Variants in ING5 observed in about 807,000 individuals in gnomAD.
The protein encoded by ING5 is inhibitor of growth protein 5.
ING5 carries 17 observed loss-of-function variants against 37.4 expected under a neutral mutation model. That is an observed-to-expected ratio of 0.45 (90% CI 0.31 to 0.68). The LOEUF (loss-of-function observed/expected upper bound fraction) is 0.68. Among genes scored for constraint, ING5 ranks in the 30% least tolerant of loss-of-function variants. ING5 has a pLI of 0.05. For missense variants in ING5, 233 were observed against 311.9 expected (o/e 0.75, Z 1.91); for synonymous variants, 123 against 116.6 (o/e 1.06, Z -0.36).
At chr2:241,714,747 A>G (rs1445268288) in intron 5 of ING5, among the ~76,000 whole-genome samples, 1 of 151,776 alleles carries the variant, frequency 6.6e-6, no homozygotes, top group African/African-American at 2.4e-5. Context: ...GGGACCACAG[A>G]CATGCGCCAC....
Position 241,725,152 on chromosome 2 carries a change from T to A in ING5, c.*121T>A. On this transcript the variant is annotated 3_prime_UTR_variant, in exon 8 of 8. Transcript: ENST00000313552. Reference sequence around the variant, plus strand: ...GATACTTAGTAACTCCGTGGCCAGTTGAAGCGCTGGATGTTTCCTAGAACA... The same window carrying A: ...GATACTTAGTAACTCCGTGGCCAGTAGAAGCGCTGGATGTTTCCTAGAACA... 9.6e-7 allele frequency: 1 copy of A among 1,045,104 alleles called. No homozygotes were observed. Among genetic ancestry groups the A allele is most frequent in the Non-Finnish European group, 1.5e-6 (1 of 680,174 alleles). The allele number at this position is 1,045,104 out of a possible 1,614,324, so 64.7% of individuals were successfully genotyped here.
upstream of ING5, among the ~76,000 whole-genome samples, chr2:241,698,680 C>T (rs1398227401): frequency 3.9e-5 from 6 of 152,240 alleles, no homozygotes; most frequent in Non-Finnish European, 8.8e-5. Context: ...ACAAGGCAAT[C>T]ACAGTCCTGC....
chr2:241,701,920 A>G (rs1575119397), upstream of ING5: 2 of 353,216 alleles, frequency 5.7e-6, no homozygotes, highest in East Asian at 4.7e-5. Context: ...GCCCGCCGGA[A>G]GCTGAAAGGC....
At chr2:241,709,436 C>T (rs2070035165) in intron 3 of ING5, 54 bp downstream of exon 3, 4 of 1,517,134 alleles carry the variant, frequency 2.6e-6, no homozygotes, top group Admixed American at 2.1e-5. Context: ...TCCTGCCTCT[C>T]ATGCAACAAA....
chr2:241,689,096 C>T (rs772815986), intron 1 of ING5, among the ~76,000 whole-genome samples: 4 of 149,018 alleles, frequency 2.7e-5, no homozygotes, highest in Admixed American at 1.4e-4. Context: ...CCACTGCGCC[C>T]GGCCAATTTA....
upstream of ING5, among the ~76,000 whole-genome samples, chr2:241,700,306 G>C (rs555708889): frequency 2.8e-4 from 43 of 152,020 alleles, no homozygotes; most frequent in African/African-American, 9.4e-4. Flanking sequence ...ACAGGCGCCC[G>C]CCACCATGCC....
intron 1 of ING5, among the ~76,000 whole-genome samples, chr2:241,689,021 T>C (rs1263441227): frequency 1.3e-5 from 2 of 152,124 alleles, no homozygotes; most frequent in African/African-American, 2.4e-5. Context: ...CAGGATGGTC[T>C]CGATCTCCTG....
At chr2:241,711,842 G>A (rs534214198) in intron 4 of ING5, 136 bp from the exon 5 acceptor site, 30 of 773,346 alleles carry the variant, frequency 3.9e-5, no homozygotes, top group South Asian at 5.7e-5. Context: ...TCAAGGCTGC[G>A]GTGAGCTATG....
intron 5 of ING5, chr2:241,722,008 C>T: frequency 1.0e-6 from 1 of 985,372 alleles, no homozygotes; most frequent in Non-Finnish European, 1.2e-6. Context: ...GGCCCTGTGC[C>T]AGGTGGACAG....
intron 2 of ING5, among the ~76,000 whole-genome samples, chr2:241,695,616 G>A (rs1436218174): frequency 6.6e-6 from 1 of 152,170 alleles, no homozygotes; most frequent in Non-Finnish European, 1.5e-5. Flanking sequence ...AACCCAGGAG[G>A]TGGAGGTTGC....
chr2:241,718,200 TC>T (rs1413315212), intron 5 of ING5, among the ~76,000 whole-genome samples: 1 of 151,380 alleles, frequency 6.6e-6, no homozygotes, highest in East Asian at 1.9e-4. Flanking sequence ...TTTAGTAGAG[TC>T]GGGGTTTCAG....
At chr2:241,699,689 G>GGGC (rs1288520192), upstream of ING5, among the ~76,000 whole-genome samples, 1 of 152,112 alleles carries the variant, frequency 6.6e-6, no homozygotes, top group Non-Finnish European at 1.5e-5. Flanking sequence ...GCTGGGGGTG[G>GGGC]GGCGGGGGGT....
At chr2:241,702,034 C>G (rs2069742123), upstream of ING5, 2 of 1,358,042 alleles carry the variant, frequency 1.5e-6, no homozygotes, top group South Asian at 1.6e-5. Context: ...ACCGCCCGCC[C>G]GCGCAGACCC....
rs1015039198 is a variant in ING5 at position 241,711,772 on chromosome 2, A to G, written c.389-206A>G. ...AAAAATTAGCCAGGTGTGGTGGTGC[A>G]CACCTGTGGTCCCAGCTACTCGGGA... On this transcript the variant is annotated intron_variant, in intron 4 of 7. Transcript: ENST00000313552. The G allele has an allele frequency of 1.5e-5, 9 of 598,632 alleles. No individual in the cohort carries two copies. The African/African-American group carries it at 1.7e-4, about 11-fold the overall frequency. The allele number at this position is 598,632 out of a possible 1,614,324, so 37.1% of individuals were successfully genotyped here.
intron 5 of ING5, among the ~76,000 whole-genome samples, chr2:241,715,032 A>C (rs1049269684): frequency 4.6e-5 from 7 of 152,034 alleles, no homozygotes; most frequent in African/African-American, 1.7e-4. Context: ...ATACTATTCT[A>C]GCTTTTTAAG....
In ING5 at chr2:241,725,264, C is replaced by T. The variant is rs897719387; in HGVS notation, c.*233C>T. On this transcript the variant is annotated 3_prime_UTR_variant, in exon 8 of 8. Transcript: ENST00000313552. ...CAGTGTGGCTTTTACAGGACTCCCC[C>T]CGAGCATCAGCAGGGACCCCGGCGG... The T allele has an allele frequency of 3.6e-6, 2 of 553,808 alleles. No individual in the cohort carries two copies. The highest frequency in any genetic ancestry group is 6.1e-5 in the Admixed American group (2 of 32,752). The allele number at this position is 553,808 out of a possible 1,614,324, so 34.3% of individuals were successfully genotyped here.
intron 5 of ING5, chr2:241,722,364 G>A: frequency 1.0e-6 from 1 of 985,404 alleles, no homozygotes; most frequent in Non-Finnish European, 1.2e-6. Flanking sequence ...GAGGGACCGA[G>A]ATGAGAGTGG....
chr2:241,690,722 ATGGAGT>A, intron 2 of ING5: 1 of 398,052 alleles, frequency 2.5e-6, no homozygotes, highest in Non-Finnish European at 4.4e-6. Context: ...TACAGGTGAA[ATGGAGT>A]TGGCCACAGG....
intron 2 of ING5, among the ~76,000 whole-genome samples, chr2:241,691,057 G>GA (rs2069545930): frequency 1.3e-5 from 2 of 151,766 alleles, no homozygotes; most frequent in African/African-American, 4.8e-5. Flanking sequence ...GAGTCCACCT[G>GA]CCTCAGCCTC....
Sources: allele counts gnomAD v4.1 joint callset (sites outside exome capture counted in the v4.1 genomes callset), GRCh38; gene constraint gnomAD v4.1.1; transcripts MANE v1.5; gene names NCBI Gene and HGNC (gene_info 2026-07-23, HGNC 2026-07-21).